SORCS3: variants seen among roughly 807,000 people sequenced by gnomAD.
The protein encoded by SORCS3 is sortilin related VPS10 domain containing receptor 3.
SORCS3 carries 57 observed loss-of-function variants against 146.3 expected under a neutral mutation model. That is an observed-to-expected ratio of 0.39 (90% CI 0.31 to 0.49). SORCS3 has a LOEUF of 0.49. Among genes scored for constraint, SORCS3 ranks in the 20% least tolerant of loss-of-function variants. The pLI, the probability that SORCS3 is intolerant of heterozygous loss-of-function variation, is 0.92. For synonymous variants in SORCS3, 653 were observed against 618.5 expected, an observed-to-expected ratio of 1.06 and a Z score of -0.83; for missense variants, 1,341 against 1,575.5, an observed-to-expected ratio of 0.85 and a Z score of 2.52.
intron 1 of SORCS3, among the ~76,000 whole-genome samples, chr10:104,764,329 A>G (rs1438038385): frequency 6.6e-6 from 1 of 152,158 alleles, no homozygotes; most frequent in Non-Finnish European, 1.5e-5. Context: ...GCTTCAGATT[A>G]TGTATTTCTA....
chr10:104,842,836 C>T lies in SORCS3; in HGVS notation c.672C>T (p.Ser224=), dbSNP rs763474737. The change falls in exon 2 of 27, where the codon AGC becomes AGT. Residue 224 remains serine, a synonymous_variant. Transcript: ENST00000369701. ...LTKLYDFNLG[S]VTESSLWRST... ...AGCTGTATGACTTCAACCTGGGCAG[C>T]GTGACTGAGAGTTCACTATGGAGGT... is the stretch of plus-strand genomic sequence containing the variant. 40 of 1,613,762 alleles carry T rather than the reference C, an allele frequency of 2.5e-5. No homozygotes were observed. Among genetic ancestry groups the T allele is most frequent in the African/African-American group, 9.3e-5 (7 of 74,888 alleles).
intron 16 of SORCS3, among the ~76,000 whole-genome samples, chr10:105,207,675 A>T (rs1458390731): frequency 6.6e-6 from 1 of 152,198 alleles, no homozygotes; most frequent in African/African-American, 2.4e-5. Context: ...TACATTTAGG[A>T]GAAATTAATG....
At chr10:104,731,740 A>G (rs2496020) in intron 1 of SORCS3, among the ~76,000 whole-genome samples, 68,215 of 152,028 alleles carry the variant, frequency 0.45, 15,498 homozygotes, top group South Asian at 0.53. Context: ...GAGTAACTTA[A>G]GGACAGGAAC....
At chr10:104,667,242 A>G (rs983126849) in intron 1 of SORCS3, among the ~76,000 whole-genome samples, 3 of 152,160 alleles carry the variant, frequency 2.0e-5, no homozygotes, top group Non-Finnish European at 2.9e-5. Flanking sequence ...ATATGTACTG[A>G]CTTTCCCGAG....
In SORCS3 at chr10:104,848,769, C is replaced by A. The variant is rs566560739; in HGVS notation, c.695+5910C>A. Among the ~76,000 whole-genome samples, 13 of 152,286 alleles carry A rather than the reference C, an allele frequency of 8.5e-5. No individual in the cohort carries two copies. The East Asian group carries it at 2.5e-3, about 29-fold the overall frequency. ...ACTGAACCTATATTAATCGAGCACC[C>A]ATTATGTAAGCAGCCCTGCGCTCAT... On this transcript the variant is annotated intron_variant, in intron 2 of 26. Transcript: ENST00000369701.
intron 1 of SORCS3, among the ~76,000 whole-genome samples, chr10:104,821,250 A>G (rs975617998): frequency 6.6e-6 from 1 of 152,172 alleles, no homozygotes; most frequent in African/African-American, 2.4e-5. Flanking sequence ...TCAGGGTCAC[A>G]TTGTAAGGTA....
intron 7 of SORCS3, among the ~76,000 whole-genome samples, chr10:105,134,795 G>A (rs997769205): frequency 2.6e-5 from 4 of 152,062 alleles, no homozygotes; most frequent in Non-Finnish European, 4.4e-5. Flanking sequence ...AAATATGTTC[G>A]TTTCATCCCA....
At chr10:105,008,896 C>T (rs759707492) in intron 4 of SORCS3, among the ~76,000 whole-genome samples, 16 of 152,292 alleles carry the variant, frequency 1.1e-4, no homozygotes, top group Non-Finnish European at 2.1e-4. Context: ...ATCTGCCTGC[C>T]GTGGCCTCTC....
chr10:104,856,795 A>G (rs1468155706), intron 2 of SORCS3, among the ~76,000 whole-genome samples: 1 of 145,072 alleles, frequency 6.9e-6, no homozygotes, highest in Admixed American at 7.1e-5. Flanking sequence ...ATTAGTATAT[A>G]TAAATATATA....
At chr10:105,190,180 A>C (rs2056507232) in intron 14 of SORCS3, among the ~76,000 whole-genome samples, 1 of 152,216 alleles carries the variant, frequency 6.6e-6, no homozygotes, top group African/African-American at 2.4e-5. Context: ...CTGAAAACAC[A>C]CATTGCTGAG....
Position 105,263,337 on chromosome 10 carries a change from A to G in SORCS3, c.3632A>G (p.Glu1211Gly), listed in dbSNP as rs759715663. ...IGGIATIANS[E>G]STKEIPNCTS... ...GGCATTGCCACTATTGCAAACAGCGAAAGCACAAAGGAGATCCCCAACTGC... is the reference window on the plus strand; with the variant it reads ...GGCATTGCCACTATTGCAAACAGCGGAAGCACAAAGGAGATCCCCAACTGC... Residue 1211 changes from glutamate (E) to glycine (G), a missense_variant, in exon 27 of 27, where the codon GAA becomes GGA. By Grantham distance (98) the Glu-to-Gly change is moderately conservative. Transcript: ENST00000369701. 17 of 1,614,138 alleles carry G rather than the reference A, an allele frequency of 1.1e-5. No individual in the cohort carries two copies. The East Asian group carries it at 1.6e-4, about 15-fold the overall frequency.
chr10:104,789,936 C>G (rs1157599050), intron 1 of SORCS3, among the ~76,000 whole-genome samples: 1 of 152,218 alleles, frequency 6.6e-6, no homozygotes, highest in African/African-American at 2.4e-5. Flanking sequence ...AGGACTTTCT[C>G]TTCCTCAGCC....
At chr10:105,207,299 A>ATTG (rs2056608335) in intron 16 of SORCS3, among the ~76,000 whole-genome samples, 1 of 150,604 alleles carries the variant, frequency 6.6e-6, no homozygotes, top group African/African-American at 2.4e-5. Context: ...TATTATTATT[A>ATTG]TTATTTCTAA....
intron 1 of SORCS3, among the ~76,000 whole-genome samples, chr10:104,834,317 G>A (rs1339593755): frequency 6.6e-6 from 1 of 152,142 alleles, no homozygotes; most frequent in Non-Finnish European, 1.5e-5. Flanking sequence ...TCAAGGCCCA[G>A]TGAGATCTCA....
At chr10:104,687,426 G>A (rs572308260) in intron 1 of SORCS3, among the ~76,000 whole-genome samples, 4 of 152,250 alleles carry the variant, frequency 2.6e-5, no homozygotes, top group African/African-American at 9.6e-5. Context: ...CTTTAATGAT[G>A]AGCAACATCT....
intron 13 of SORCS3, among the ~76,000 whole-genome samples, chr10:105,177,098 CTTGAG>C (rs1266297405): frequency 6.6e-6 from 1 of 151,830 alleles, no homozygotes; most frequent in Non-Finnish European, 1.5e-5. Flanking sequence ...AGTTTATAAT[CTTGAG>C]TTGAGATATT....
intron 7 of SORCS3, among the ~76,000 whole-genome samples, chr10:105,138,726 G>A (rs760261431): frequency 3.7e-4 from 56 of 152,152 alleles, no homozygotes; most frequent in Non-Finnish European, 6.5e-4. Context: ...CACAAGTGAG[G>A]TTACAGGGCT....
intron 4 of SORCS3, among the ~76,000 whole-genome samples, chr10:105,018,100 GGCTTCAAGTTTA>G (rs772955338): frequency 3.5e-4 from 53 of 152,312 alleles, no homozygotes; most frequent in Admixed American, 2.0e-4. Context: ...GAGAAGACCT[GGCTTCAAGTTTA>G]GCCAGGTCTA....
At chr10:105,216,219 T>C (rs2056664185) in intron 18 of SORCS3, among the ~76,000 whole-genome samples, 1 of 152,036 alleles carries the variant, frequency 6.6e-6, no homozygotes, top group South Asian at 2.1e-4. Flanking sequence ...AGAACAAGGG[T>C]ATAATTTGGG....
Sources: allele counts gnomAD v4.1 joint callset (sites outside exome capture counted in the v4.1 genomes callset), GRCh38; gene constraint gnomAD v4.1.1; transcripts MANE v1.5; gene names NCBI Gene and HGNC (gene_info 2026-07-23, HGNC 2026-07-21).